The following CEP290 variants were observed in gnomAD, a reference collection of about 807,000 sequenced individuals.
CEP290 encodes the protein centrosomal protein of 290 kDa.
Under a neutral mutation model 344.9 loss-of-function variants are expected in CEP290, and 317 were observed. The observed-to-expected ratio is 0.92, with a 90% CI of 0.84 to 1.01. The LOEUF (loss-of-function observed/expected upper bound fraction) is 1.01, where lower values mean the gene tolerates loss of function less well. Ranked by LOEUF, CEP290 falls within the 50% of genes least tolerant of loss-of-function variation. The probability of loss-of-function intolerance (pLI) is 0.00; values close to 1 mark genes in which losing one functional copy is unlikely to be tolerated. For missense variants in CEP290, 2,754 were observed against 2,761.4 expected, an observed-to-expected ratio of 1.00 and a Z score of 0.06; for synonymous variants, 932 against 895.8, an observed-to-expected ratio of 1.04 and a Z score of -0.72.
At chr12:88,117,207 T>C in intron 17 of CEP290, 62 bp from the exon 18 acceptor site, 1 of 772,900 alleles carries the variant, frequency 1.3e-6, no homozygotes, top group East Asian at 3.1e-5. Flanking sequence ...ATTCCAACAC[T>C]TTAATTCTTA....
At position 88,100,941 on chromosome 12, in the gene CEP290, C is replaced by T. The variant is rs2471534; in HGVS notation, c.2991+1897G>A. 0.52 allele frequency among the ~76,000 whole-genome samples: 78,314 copies of T among 151,856 alleles called. 22,608 individuals are homozygous for T. The highest frequency in any genetic ancestry group is 0.72 in the East Asian group (3,702 of 5,138). On this transcript the variant is annotated intron_variant, in intron 26 of 53. Coordinates refer to ENST00000552810, the MANE Select transcript of CEP290 (RefSeq NM_025114.4). Reference sequence around the variant, plus strand: ...AAACTCAGCTAGTTCATCTCTTGCTCTAGATGACATGAGGTAAGTAGGGGA... The same window carrying T: ...AAACTCAGCTAGTTCATCTCTTGCTTTAGATGACATGAGGTAAGTAGGGGA...
chr12:88,097,078 A>G (rs2037485868), intron 26 of CEP290, 79 bp from the exon 27 acceptor site: 1 of 723,580 alleles, frequency 1.4e-6, no homozygotes, highest in Non-Finnish European at 2.3e-6. Flanking sequence ...TCTTAACTTT[A>G]TATAACATCT....
chr12:88,140,427 C>G (rs2040580968), intron 3 of CEP290, among the ~76,000 whole-genome samples: 2 of 152,196 alleles, frequency 1.3e-5, no homozygotes, highest in South Asian at 4.1e-4. Context: ...TCTCAAAGTA[C>G]TTACCCAAGA....
At chr12:88,140,861 AC>A in intron 3 of CEP290, 94 bp downstream of exon 3, 1 of 722,302 alleles carries the variant, frequency 1.4e-6, no homozygotes, top group Non-Finnish European at 2.3e-6. Flanking sequence ...TGTAGATATT[AC>A]CAGGTATTTT....
intron 41 of CEP290, among the ~76,000 whole-genome samples, chr12:88,076,153 G>C (rs555680557): frequency 6.6e-6 from 1 of 152,224 alleles, no homozygotes; most frequent in South Asian, 2.1e-4. Flanking sequence ...TAGGGAGTTA[G>C]AAAGATGGAA....
intron 43 of CEP290, 43 bp from the exon 44 acceptor site, chr12:88,068,688 C>T (rs1433755904): frequency 1.3e-6 from 2 of 1,540,334 alleles, no homozygotes; most frequent in Non-Finnish European, 1.7e-6. Flanking sequence ...CACATTTCAT[C>T]TTTTTTCTGT....
chr12:88,129,107 ATATACAT>A, intron 10 of CEP290, 72 bp from the exon 11 acceptor site: 1 of 678,370 alleles, frequency 1.5e-6, no homozygotes, highest in South Asian at 2.6e-5. Context: ...GCATATTTAC[ATATACAT>A]TATATATATA....
chr12:88,104,804 T>A lies in CEP290; in HGVS notation c.2818-1793A>T, dbSNP rs192717203. 7.5e-4 allele frequency among the ~76,000 whole-genome samples: 114 copies of A among 152,182 alleles called. No individual in the cohort carries two copies. In the East Asian group the frequency reaches 0.015, roughly 20 times the overall value. On this transcript the variant is annotated intron_variant, in intron 25 of 53. Coordinates refer to ENST00000552810, the MANE Select transcript of CEP290 (RefSeq NM_025114.4). The stretch of plus-strand genomic sequence containing the variant: ...TTAATATCAATTCAAGTATTATTTT[T>A]CAAATTATTGTATGTATATTGTAGG...
At chr12:88,089,513 G>C (rs1322196564) in intron 30 of CEP290, 26 bp from the exon 31 acceptor site, 1 of 1,374,908 alleles carries the variant, frequency 7.3e-7, no homozygotes, top group Non-Finnish European at 9.5e-7. Context: ...ATATATATTT[G>C]TAGTAAGTTT....
intron 29 of CEP290, among the ~76,000 whole-genome samples, chr12:88,091,082 C>T (rs932057705): frequency 6.6e-6 from 1 of 152,100 alleles, no homozygotes; most frequent in African/African-American, 2.4e-5. Context: ...CTTGAATATT[C>T]CTAACATATA....
At chr12:88,069,342 T>C (rs967191559) in intron 43 of CEP290, among the ~76,000 whole-genome samples, 1 of 152,020 alleles carries the variant, frequency 6.6e-6, no homozygotes, top group African/African-American at 2.4e-5. Flanking sequence ...ATCTTTTCTA[T>C]AAAGTATTCC....
rs2039217527 is a variant in CEP290 at position 88,118,634 on chromosome 12, CA to C, written c.1623+8del. The stretch of plus-strand genomic sequence containing the variant: ...GCCAAGAAAATAATCAACTGACTAC[CA>C]CACTTGCCTCTTTCAAAAGAATCTG... On this transcript the variant is annotated splice_region_variant and intron_variant, in intron 16 of 53. Coordinates refer to ENST00000552810, the MANE Select transcript of CEP290 (RefSeq NM_025114.4). 1 of 1,611,702 alleles carries C rather than the reference CA, an allele frequency of 6.2e-7. No homozygotes were observed. The highest frequency in any genetic ancestry group is 1.1e-5 in the South Asian group (1 of 91,050).
intron 10 of CEP290, 31 bp downstream of exon 10, chr12:88,129,663 A>G: frequency 8.1e-7 from 1 of 1,239,660 alleles, no homozygotes; most frequent in Non-Finnish European, 1.1e-6. Context: ...TGAAGTCTGA[A>G]TAAATAAGTT....
rs533514608 is a variant in CEP290 at position 88,072,128 on chromosome 12, A to T, written c.5710-202T>A. On this transcript the variant is annotated intron_variant, in intron 41 of 53. Coordinates refer to ENST00000552810, the MANE Select transcript of CEP290 (RefSeq NM_025114.4). ...CGTGTTTTAGAATTTGGATTTTTTT[A>T]AAAAATATTTTTGGAATATTTGCAT... 4.7e-4 allele frequency among the ~76,000 whole-genome samples: 72 copies of T among 152,262 alleles called. 1 individual carries two copies. In the South Asian group the frequency reaches 0.014, roughly 29 times the overall value.
chr12:88,090,842 A>C lies in CEP290; in HGVS notation c.3462-3T>G. The C allele has an allele frequency of 6.6e-7, 1 of 1,522,474 alleles. No individual in the cohort carries two copies. The highest frequency in any genetic ancestry group is 8.9e-7 in the Non-Finnish European group (1 of 1,120,866). 94.3% of individuals were successfully genotyped at this position (1,522,474 alleles called of 1,614,324 possible). On this transcript the variant is annotated splice_polypyrimidine_tract_variant and splice_region_variant and intron_variant, in intron 29 of 53. Coordinates refer to ENST00000552810, the MANE Select transcript of CEP290 (RefSeq NM_025114.4). The stretch of plus-strand genomic sequence containing the variant: ...CAATATCAGAAATCTCTCTCAGTCT[A>C]GGAAATGATAAGGTATTTCAGGAAC...
At chr12:88,091,847 C>T (rs1028751752) in intron 29 of CEP290, among the ~76,000 whole-genome samples, 4 of 152,122 alleles carry the variant, frequency 2.6e-5, no homozygotes, top group African/African-American at 9.7e-5. Context: ...ACTGAAATAT[C>T]ACCTAATTAC....
chr12:88,050,840 C>T (rs2033434422), intron 52 of CEP290, among the ~76,000 whole-genome samples: 1 of 152,146 alleles, frequency 6.6e-6, no homozygotes, highest in Non-Finnish European at 1.5e-5. Flanking sequence ...ACTGGCTATT[C>T]CATGTAGGTT....
chr12:88,086,812 T>C (rs974185940), intron 32 of CEP290, among the ~76,000 whole-genome samples: 2 of 152,060 alleles, frequency 1.3e-5, no homozygotes, highest in African/African-American at 4.8e-5. Flanking sequence ...AACATGGCAG[T>C]AAACAAAACC....
intron 18 of CEP290, chr12:88,116,134 G>C: frequency 2.3e-6 from 2 of 858,432 alleles, no homozygotes; most frequent in Non-Finnish European, 2.8e-6. Flanking sequence ...TTGCTTTTTT[G>C]TACAAAACTA....
Sources: gnomAD v4.1 joint callset for allele counts (sites outside exome capture counted in the v4.1 genomes callset) on GRCh38, gnomAD v4.1.1 for gene constraint, MANE v1.5 for transcripts, NCBI Gene and HGNC (gene_info 2026-07-23, HGNC 2026-07-21) for gene names.